Variants in SPTB observed in about 807,000 individuals in gnomAD.
SPTB encodes the protein spectrin beta, erythrocytic, also known as spectrin beta chain, erythrocytic.
SPTB carries 45 observed loss-of-function variants against 256.2 expected under a neutral mutation model. The observed-to-expected ratio is 0.18, with a 90% CI of 0.14 to 0.23. SPTB has a LOEUF of 0.23. SPTB is among the 10% of genes least tolerant of loss of function. The pLI, the probability that SPTB is intolerant of heterozygous loss-of-function variation, is 1.00. For synonymous variants in SPTB, 1,231 were observed against 1,243.1 expected (o/e 0.99, Z 0.21); for missense variants, 2,715 against 3,040.4 (o/e 0.89, Z 2.52).
At chr14:64,842,990 C>A (rs1385508075) in intron 1 of SPTB, among the ~76,000 whole-genome samples, 1 of 151,946 alleles carries the variant, frequency 6.6e-6, no homozygotes, top group Non-Finnish European at 1.5e-5. Flanking sequence ...TCACTTGAGC[C>A]TGGGGCTGAG....
chr14:64,803,464 A>C, intron 4 of SPTB, 143 bp downstream of exon 4: 1 of 1,032,832 alleles, frequency 9.7e-7, no homozygotes, highest in Admixed American at 1.9e-5. Context: ...ACTCCTTCCT[A>C]CAAGCACTGT....
intron 1 of SPTB, among the ~76,000 whole-genome samples, chr14:64,876,618 C>T (rs576312271): frequency 6.6e-6 from 1 of 152,114 alleles, no homozygotes; most frequent in Non-Finnish European, 1.5e-5. Context: ...GTCTCTAGAT[C>T]GTAATGTGTA....
intron 1 of SPTB, among the ~76,000 whole-genome samples, chr14:64,875,549 G>C (rs879454786): frequency 6.6e-6 from 1 of 152,164 alleles, no homozygotes; most frequent in Non-Finnish European, 1.5e-5. Context: ...CCCCTAATGG[G>C]GTGAAGAAGG....
chr14:64,858,631 AG>A (rs1179844452), intron 1 of SPTB, among the ~76,000 whole-genome samples: 2 of 152,078 alleles, frequency 1.3e-5, no homozygotes, highest in Non-Finnish European at 2.9e-5. Context: ...GGAGGGAAGA[AG>A]GGGGAAACGC....
chr14:64,836,422 T>C (rs1003776801), intron 1 of SPTB, among the ~76,000 whole-genome samples: 8 of 152,134 alleles, frequency 5.3e-5, no homozygotes, highest in Non-Finnish European at 1.5e-5. Context: ...AGTACCAGAT[T>C]GCCCCAGGGT....
At chr14:64,791,942 G>A in intron 14 of SPTB, 86 bp from the exon 15 acceptor site, 1 of 1,566,758 alleles carries the variant, frequency 6.4e-7, no homozygotes, top group Non-Finnish European at 8.7e-7. Context: ...TCCAGAACAT[G>A]TAGCTCTTGC....
In SPTB at chr14:64,747,421, T is replaced by C. The variant is rs2081864084; in HGVS notation, c.*1885A>G. 1 of 152,664 alleles carries C rather than the reference T, an allele frequency of 6.6e-6. No homozygotes were observed. 9.5% of individuals were successfully genotyped at this position (152,664 alleles called of 1,614,324 possible). A position where few individuals can be genotyped will look rare whatever the true frequency, so the allele number is the denominator to read the frequency against. ...GATACAGAAAGAGGCTGGTGAGTGA[T>C]ACACACTAGGTTCCCTGTATAGGGT... On this transcript the variant is annotated 3_prime_UTR_variant, in exon 36 of 36. Transcript: ENST00000644917.
chr14:64,801,621 T>C (rs1453134730), intron 6 of SPTB, 133 bp downstream of exon 6: 10 of 1,004,804 alleles, frequency 1.0e-5, no homozygotes, highest in Non-Finnish European at 1.4e-5. Flanking sequence ...GAAGGTGCTA[T>C]GGGCTGCTGA....
At position 64,758,342 on chromosome 14, in the gene SPTB, C is replaced by T. The variant is rs1431692828; in HGVS notation, c.6346-4549G>A. On this transcript the variant is annotated intron_variant, in intron 32 of 35. Coordinates refer to ENST00000644917, the MANE Select transcript of SPTB (RefSeq NM_001355436.2). The surrounding 1 kb of genome is among the most constrained non-coding windows in gnomAD (Gnocchi z 4.6). ...CTTTCTCGGCCAGTTTCAGTTGGAA[C>T]ATTCTGAGGCTTGAGACAGGAAGGG... is the stretch of plus-strand genomic sequence containing the variant. Among the ~76,000 whole-genome samples, 2 of 152,238 alleles carry T rather than the reference C, an allele frequency of 1.3e-5. No homozygotes were observed. The highest frequency in any genetic ancestry group is 4.8e-5 in the African/African-American group (2 of 41,458).
intron 19 of SPTB, 73 bp from the exon 20 acceptor site, chr14:64,782,626 G>T (rs763635122): frequency 1.9e-6 from 3 of 1,601,964 alleles, no homozygotes; most frequent in Middle Eastern, 3.6e-4. Context: ...CCTGATGGTT[G>T]CAAGAGGCTA....
intron 1 of SPTB, among the ~76,000 whole-genome samples, chr14:64,837,300 T>A (rs1445117391): frequency 6.6e-6 from 1 of 152,216 alleles, no homozygotes; most frequent in Non-Finnish European, 1.5e-5. Flanking sequence ...TCAAGACAAG[T>A]ACTCACAAGT....
intron 33 of SPTB, among the ~76,000 whole-genome samples, chr14:64,750,820 T>C (rs1157811374): frequency 6.8e-6 from 1 of 147,010 alleles, no homozygotes; most frequent in African/African-American, 2.5e-5. Context: ...TATACTTTTA[T>C]TATATAATTT....
chr14:64,768,941 T>A, intron 29 of SPTB, 93 bp downstream of exon 29: 1 of 1,022,600 alleles, frequency 9.8e-7, no homozygotes, highest in Admixed American at 1.7e-5. Flanking sequence ...CTCTAGGCAG[T>A]AGTGAAAATC....
rs537183667 is a variant in SPTB, at chr14:64,760,309, A to C, written c.6345+6417T>G. 3.9e-5 allele frequency among the ~76,000 whole-genome samples: 6 copies of C among 152,026 alleles called. No individual in the cohort carries two copies. The highest frequency in any genetic ancestry group is 7.4e-5 in the Non-Finnish European group (5 of 67,998). On this transcript the variant is annotated intron_variant, in intron 32 of 35. Coordinates refer to ENST00000644917, the MANE Select transcript of SPTB (RefSeq NM_001355436.2). The surrounding 1 kb of genome is among the most constrained non-coding windows in gnomAD (Gnocchi z 4.3). The stretch of plus-strand genomic sequence containing the variant: ...GCCAGGGACATGGCCAGGTGGGTAA[A>C]TGTCTTCTCCGGGCCAAAGGAGGTG...
rs1007820929 is a variant in SPTB, at chr14:64,791,936, G to A, written c.2667-80C>T. ...TTGCCAGTGGCACCCCCAGTCTCCAGAACATGTAGCTCTTGCTTTCTCCTT... is the reference window on the plus strand; with the variant it reads ...TTGCCAGTGGCACCCCCAGTCTCCAAAACATGTAGCTCTTGCTTTCTCCTT... On this transcript the variant is annotated intron_variant, in intron 14 of 35. Transcript: ENST00000644917. 5 of 1,581,316 alleles carry A rather than the reference G, an allele frequency of 3.2e-6. No homozygotes were observed. The African/African-American group carries it at 6.7e-5, about 21-fold the overall frequency.
intron 1 of SPTB, among the ~76,000 whole-genome samples, chr14:64,859,484 C>T (rs889251094): frequency 3.9e-5 from 6 of 152,164 alleles, no homozygotes; most frequent in Admixed American, 1.3e-4. Context: ...GTGGCTCATG[C>T]CTGTAATCCC....
chr14:64,855,538 A>AAGACAGGGTCTTGC (rs11270613), intron 1 of SPTB, among the ~76,000 whole-genome samples: 142,447 of 151,894 alleles, frequency 0.94, 67,409 homozygotes, highest in Non-Finnish European at 0.98. Context: ...ATCTTTTCAT[A>AAGACAGGGTCTTGC]TACGTTGACC....
Position 64,767,675 on chromosome 14 carries a change from C to T in SPTB, c.6207G>A (p.Glu2069=), listed in dbSNP as rs537008467. The T allele has an allele frequency of 3.1e-6, 5 of 1,614,184 alleles. No homozygotes were observed. In the East Asian group the frequency reaches 1.1e-4, roughly 36 times the overall value. Residue 2069 remains glutamate (E), a synonymous_variant, in exon 30 of 36, where the codon GAG becomes GAA. Coordinates refer to ENST00000644917, the MANE Select transcript of SPTB (RefSeq NM_001355436.2). ...GTTCCCTGCTCACCGTGGTGGGCTT[C>T]TCCAGGGCAGCAAAGCGCTCTGCCC... ...ASWAERFAAL[E]KPTTLELKER...
chr14:64,853,912 C>T lies in SPTB; in HGVS notation c.-52+25880G>A, dbSNP rs2083825766. On this transcript the variant is annotated intron_variant, in intron 1 of 35. Transcript: ENST00000644917. The surrounding 1 kb of genome is among the most constrained non-coding windows in gnomAD (Gnocchi z 4.3). Reference sequence around the variant, plus strand: ...AATTTTTTTAGATACTTATCACTGGCCAGCCGCGGTGGCTCACGCCTGTAA... The same window carrying T: ...AATTTTTTTAGATACTTATCACTGGTCAGCCGCGGTGGCTCACGCCTGTAA... 6.6e-6 allele frequency among the ~76,000 whole-genome samples: 1 copy of T among 152,150 alleles called. No individual in the cohort carries two copies. Among genetic ancestry groups the T allele is most frequent in the African/African-American group, 2.4e-5 (1 of 41,426 alleles).
Sources: allele counts gnomAD v4.1 joint callset (sites outside exome capture counted in the v4.1 genomes callset), GRCh38; gene constraint gnomAD v4.1.1; non-coding constraint Gnocchi (gnomAD v3.1); transcripts MANE v1.5; gene names NCBI Gene and HGNC (gene_info 2026-07-23, HGNC 2026-07-21).